The following ESRRG variants were observed in gnomAD, a reference collection of about 807,000 sequenced individuals.
ESRRG encodes the protein estrogen related receptor gamma.
Under a neutral mutation model 44.0 loss-of-function variants are expected in ESRRG, and 13 were observed. The ratio of observed to expected loss-of-function variants is 0.30; its 90% CI spans 0.19 to 0.47. The LOEUF (loss-of-function observed/expected upper bound fraction) is 0.47. Ranked by LOEUF, ESRRG falls within the 20% of genes least tolerant of loss-of-function variation. The probability of loss-of-function intolerance (pLI) is 1.00; values close to 1 mark genes in which losing one functional copy is unlikely to be tolerated. For synonymous variants in ESRRG, 215 were observed against 214.6 expected, an observed-to-expected ratio of 1.00 and a Z score of -0.02; for missense variants, 395 against 580.6, an observed-to-expected ratio of 0.68 and a Z score of 3.29.
chr1:216,704,211 C>T (rs915894235), intron 1 of ESRRG, among the ~76,000 whole-genome samples: 2 of 152,050 alleles, frequency 1.3e-5, no homozygotes, highest in South Asian at 2.1e-4. Flanking sequence ...TGTTAACTAA[C>T]CCTAAACATC....
At position 216,854,473 on chromosome 1, in the gene ESRRG, C is replaced by T. The variant is rs551356140; in HGVS notation, c.-14+85109G>A. 2.0e-4 allele frequency among the ~76,000 whole-genome samples: 31 copies of T among 151,732 alleles called. No homozygotes were observed. In the South Asian group the frequency reaches 6.0e-3, roughly 30 times the overall value. ...GAGTTGTCTTATCCATTTTTACACG[C>T]CTTGAAGCATCTAACGAATACCAGG... On this transcript the variant is annotated intron_variant, in intron 2 of 7. Coordinates refer to the ESRRG transcript ENST00000359162.
intron 3 of ESRRG, among the ~76,000 whole-genome samples, chr1:216,620,688 C>T (rs935080776): frequency 7.2e-5 from 11 of 151,996 alleles, no homozygotes; most frequent in South Asian, 2.1e-4. Context: ...TGACCCAGGA[C>T]GATGCTTAAG....
At chr1:216,983,817 T>A (rs2074409101) in intron 1 of ESRRG, among the ~76,000 whole-genome samples, 1 of 152,062 alleles carries the variant, frequency 6.6e-6, no homozygotes, top group Non-Finnish European at 1.5e-5. Flanking sequence ...TGCATTCTTC[T>A]ATAAGATGAT....
intron 2 of ESRRG, among the ~76,000 whole-genome samples, chr1:216,656,978 T>C (rs1048757849): frequency 6.6e-6 from 1 of 152,170 alleles, no homozygotes; most frequent in Admixed American, 6.5e-5. Flanking sequence ...ATTGGAATCA[T>C]GCAGGCAATA....
At chr1:216,746,269 G>C (rs1336037042) in intron 2 of ESRRG, among the ~76,000 whole-genome samples, 1 of 152,110 alleles carries the variant, frequency 6.6e-6, no homozygotes, top group Admixed American at 6.6e-5. Flanking sequence ...TGCTGCCAGG[G>C]TCTGAACTCT....
chr1:216,707,346 T>C (rs1219927455), intron 1 of ESRRG: 1 of 1,535,530 alleles, frequency 6.5e-7, no homozygotes, highest in Non-Finnish European at 8.7e-7. Flanking sequence ...CAAAGAAAAA[T>C]AATCGGGCCC....
intron 3 of ESRRG, among the ~76,000 whole-genome samples, chr1:216,618,738 A>C (rs559510980): frequency 6.6e-6 from 1 of 152,308 alleles, no homozygotes; most frequent in East Asian, 1.9e-4. Context: ...AAATGGTGTG[A>C]TTTGTTTTCT....
intron 1 of ESRRG, among the ~76,000 whole-genome samples, chr1:216,998,502 T>C (rs2076641743): frequency 6.6e-6 from 1 of 152,246 alleles, no homozygotes; most frequent in African/African-American, 2.4e-5. Flanking sequence ...TGGCATATTT[T>C]ATCTAGACAT....
chr1:217,020,086 C>A (rs570366217), intron 1 of ESRRG, among the ~76,000 whole-genome samples: 1 of 152,138 alleles, frequency 6.6e-6, no homozygotes, highest in African/African-American at 2.4e-5. Flanking sequence ...AGAACACTCT[C>A]CCTTTCCTCC....
At chr1:216,564,432 T>G (rs1045773689) in intron 4 of ESRRG, 52 bp from the exon 5 acceptor site, 4 of 1,429,608 alleles carry the variant, frequency 2.8e-6, no homozygotes, top group Non-Finnish European at 2.8e-6. Context: ...TCATCCCTCT[T>G]TTATAAACCC....
At chr1:216,747,875 G>T (rs549632164) in intron 2 of ESRRG, among the ~76,000 whole-genome samples, 1 of 152,206 alleles carries the variant, frequency 6.6e-6, no homozygotes, top group Non-Finnish European at 1.5e-5. Flanking sequence ...AAATCCAGTA[G>T]GTTTCCTCCC....
intron 1 of ESRRG, among the ~76,000 whole-genome samples, chr1:216,997,988 T>C (rs553607051): frequency 1.3e-5 from 2 of 152,304 alleles, no homozygotes; most frequent in East Asian, 3.9e-4. Flanking sequence ...TTTTCTTCCC[T>C]TTTTTAACTG....
chr1:216,514,006 T>C (rs2043459363), intron 6 of ESRRG, among the ~76,000 whole-genome samples: 1 of 152,140 alleles, frequency 6.6e-6, no homozygotes, highest in Non-Finnish European at 1.5e-5. Context: ...TTTATGTGCT[T>C]ATTGCCCAGG....
At chr1:216,955,292 A>G (rs1255136047) in intron 1 of ESRRG, among the ~76,000 whole-genome samples, 2 of 152,074 alleles carry the variant, frequency 1.3e-5, no homozygotes, top group Non-Finnish European at 2.9e-5. Flanking sequence ...CATCCAGGGT[A>G]TTTCTTTTCT....
intron 1 of ESRRG, among the ~76,000 whole-genome samples, chr1:217,017,490 A>T (rs199933872): frequency 1.3e-4 from 15 of 111,856 alleles, no homozygotes; most frequent in South Asian, 2.4e-4. Context: ...AAAAAAAAAA[A>T]AAAAAAAAGG....
chr1:217,051,204 C>CGGCGG (rs1553259180), intron 1 of ESRRG, among the ~76,000 whole-genome samples: 2 of 33,588 alleles, frequency 6.0e-5, no homozygotes, highest in African/African-American at 1.3e-4. Context: ...ATAATGGGGG[C>CGGCGG]GGGGGGGGGG....
At chr1:216,667,785 C>T (rs2074284872) in intron 2 of ESRRG, among the ~76,000 whole-genome samples, 1 of 149,840 alleles carries the variant, frequency 6.7e-6, no homozygotes, top group Admixed American at 6.6e-5. Flanking sequence ...AGTGATATTG[C>T]TACTACAAAG....
chr1:217,034,868 T>C (rs1481458406), intron 1 of ESRRG, among the ~76,000 whole-genome samples: 2 of 152,180 alleles, frequency 1.3e-5, no homozygotes, highest in East Asian at 1.9e-4. Flanking sequence ...TAATGAAATA[T>C]TACACCGTAA....
At chr1:216,584,051 G>A (rs1306231139) in intron 3 of ESRRG, among the ~76,000 whole-genome samples, 2 of 152,100 alleles carry the variant, frequency 1.3e-5, no homozygotes, top group Non-Finnish European at 1.5e-5. Flanking sequence ...AAAGGAGAGA[G>A]CATAGCCAAG....
Sources: gnomAD v4.1 joint callset for allele counts (sites outside exome capture counted in the v4.1 genomes callset) on GRCh38, gnomAD v4.1.1 for gene constraint, MANE v1.5 for transcripts, NCBI Gene and HGNC (gene_info 2026-07-23, HGNC 2026-07-21) for gene names.